The following TNKS2 variants were observed in gnomAD, a reference collection of about 807,000 sequenced individuals.
TNKS2 encodes the protein poly [ADP-ribose] polymerase tankyrase-2.
Under a neutral mutation model 137.6 loss-of-function variants are expected in TNKS2, and 72 were observed. The observed-to-expected ratio is 0.52, with a 90% CI of 0.43 to 0.64. The LOEUF (loss-of-function observed/expected upper bound fraction) is 0.64. Among genes scored for constraint, TNKS2 ranks in the 30% least tolerant of loss-of-function variants. TNKS2 has a pLI of 0.00. For synonymous variants in TNKS2, 516 were observed against 512.1 expected, an observed-to-expected ratio of 1.01 and a Z score of -0.10; for missense variants, 1,049 against 1,410.2, an observed-to-expected ratio of 0.74 and a Z score of 4.10.
At chr10:91,807,391 G>T in intron 1 of TNKS2, 1 of 1,614,120 alleles carries the variant, frequency 6.2e-7, no homozygotes, top group Non-Finnish European at 8.5e-7. Flanking sequence ...GCGAGGTAAA[G>T]CTTCTCGGCA....
chr10:91,807,462 A>T (rs1844361384), intron 1 of TNKS2: 1 of 1,605,436 alleles, frequency 6.2e-7, no homozygotes, highest in African/African-American at 1.3e-5. Context: ...TGGAAAAGTA[A>T]AGAGAAGCAA....
chr10:91,819,879 C>A, intron 5 of TNKS2, 60 bp from the exon 6 acceptor site: 1 of 1,344,746 alleles, frequency 7.4e-7, no homozygotes, highest in Non-Finnish European at 1.0e-6. Context: ...TTTTTTCCCT[C>A]TCACACATTT....
At chr10:91,818,869 G>T (rs979774694) in intron 3 of TNKS2, among the ~76,000 whole-genome samples, 7 of 151,996 alleles carry the variant, frequency 4.6e-5, no homozygotes, top group Non-Finnish European at 8.8e-5. Context: ...GATACATTTT[G>T]TTTCTCTGTT....
intron 11 of TNKS2, among the ~76,000 whole-genome samples, chr10:91,831,458 T>C (rs1845243014): frequency 6.6e-6 from 1 of 152,196 alleles, no homozygotes; most frequent in African/African-American, 2.4e-5. Context: ...AGGACTTTTC[T>C]GACCTATCAT....
intron 1 of TNKS2, among the ~76,000 whole-genome samples, chr10:91,809,526 C>T (rs1416324383): frequency 2.0e-5 from 3 of 151,822 alleles, no homozygotes; most frequent in Admixed American, 6.6e-5. Context: ...ATTAGCTGGG[C>T]GTGGTGGCGG....
intron 1 of TNKS2, chr10:91,807,405 C>T (rs928051821): frequency 8.1e-6 from 13 of 1,613,950 alleles, no homozygotes; most frequent in African/African-American, 4.0e-5. Context: ...CTCGGCAGCG[C>T]GGCTGAACTC....
intron 1 of TNKS2, among the ~76,000 whole-genome samples, chr10:91,812,114 C>G (rs956293509): frequency 6.6e-6 from 1 of 151,814 alleles, no homozygotes. Context: ...TGAGCAGTTC[C>G]TTTCTCTCTA....
Position 91,848,654 on chromosome 10 carries a change from A to G in TNKS2, c.2611+19A>G, listed in dbSNP as rs933186131. On this transcript the variant is annotated intron_variant, in intron 19 of 26. Coordinates refer to ENST00000371627, the MANE Select transcript of TNKS2 (RefSeq NM_025235.4). ...AAGGAGGGTGAGACGTTCTACAAAA[A>G]TAACTTTCTAACTGGTATTGTAGCC... 3.1e-6 allele frequency: 5 copies of G among 1,612,486 alleles called. No individual in the cohort carries two copies. Among genetic ancestry groups the G allele is most frequent in the East Asian group, 2.2e-5 (1 of 44,878 alleles).
intron 9 of TNKS2, among the ~76,000 whole-genome samples, 166 bp downstream of exon 9, chr10:91,828,572 A>G (rs1048021862): frequency 2.6e-5 from 4 of 152,198 alleles, no homozygotes; most frequent in Admixed American, 1.3e-4. Context: ...AAAATAGACA[A>G]CCTCACCCTG....
Position 91,845,934 on chromosome 10 carries a change from A to C in TNKS2, c.2352A>C (p.Leu784Phe), listed in dbSNP as rs1842357663. The C allele has an allele frequency of 6.5e-7, 1 of 1,534,014 alleles. No individual in the cohort carries two copies. Among genetic ancestry groups the C allele is most frequent in the African/African-American group, 1.4e-5 (1 of 73,506 alleles). Residue 784 changes from leucine to phenylalanine, a missense_variant, in exon 18 of 27, where the codon TTA becomes TTC. This residue lies in a region of TNKS2 where 208 missense variants were observed against 231.2 expected (regional missense o/e 0.90). Coordinates refer to ENST00000371627, the MANE Select transcript of TNKS2 (RefSeq NM_025235.4). ...AGGAAGGACAAACACCTTTAGATTT[A>C]GTTTCAGTAAGTGATGGGCTTTTTG... Reference protein sequence around the residue: ...KNQEGQTPLDLVSADDVSALL... With the variant: ...KNQEGQTPLDFVSADDVSALL...
chr10:91,863,107 G>A lies in TNKS2; in HGVS notation c.*108G>A, dbSNP rs1842894934. ...AAAAAATCATCTTGCCCACAGGCCT[G>A]TGGCAAAAGGATAAAAATGTGAACG... On this transcript the variant is annotated 3_prime_UTR_variant, in exon 27 of 27. Transcript: ENST00000371627. 1.4e-6 allele frequency: 1 copy of A among 690,854 alleles called. No homozygotes were observed. Among genetic ancestry groups the A allele is most frequent in the African/African-American group, 1.8e-5 (1 of 54,764 alleles). The allele number at this position is 690,854 out of a possible 1,614,324, so 42.8% of individuals were successfully genotyped here. A position where few individuals can be genotyped will look rare whatever the true frequency, so the allele number is the denominator to read the frequency against.
intron 1 of TNKS2, among the ~76,000 whole-genome samples, chr10:91,811,020 C>T (rs144751440): frequency 1.2e-4 from 18 of 144,582 alleles, no homozygotes; most frequent in Non-Finnish European, 2.5e-4. Context: ...CTATACCTGC[C>T]GGGTTCAAGC....
rs1842022589 is a variant in TNKS2, at chr10:91,836,520, G to A, written c.1448-399G>A. 9.4e-6 allele frequency: 5 copies of A among 532,724 alleles called. No homozygotes were observed. In the Admixed American group the frequency reaches 3.2e-4, roughly 34 times the overall value. 33.0% of individuals were successfully genotyped at this position (532,724 alleles called of 1,614,324 possible). On this transcript the variant is annotated intron_variant, in intron 12 of 26. Transcript: ENST00000371627. ...AAAATCTGAGAACCAGGAAGTTCCA[G>A]TGACTTGTTCCAGTTCAGATAGCTA...
rs745553929 is a variant in TNKS2, at chr10:91,855,080, T to C, written c.2867T>C (p.Ile956Thr). Residue 956 changes from isoleucine (I) to threonine (T), a missense_variant, in exon 22 of 27, where the codon ATA becomes ACA. Ile to Thr is a moderately conservative substitution (Grantham distance 89). Around this residue, in one of 6 missense-constraint regions of TNKS2, gnomAD observed 208 missense variants for 231.2 expected, o/e 0.90. Coordinates refer to ENST00000371627, the MANE Select transcript of TNKS2 (RefSeq NM_025235.4). ...LNTSGSGTIL[I>T]DLSPDDKEFQ... ...ACCTCTGGTAGTGGAACAATTCTTATAGATCTGTCTCCTGATGATAAAGAG... is the reference window on the plus strand; with the variant it reads ...ACCTCTGGTAGTGGAACAATTCTTACAGATCTGTCTCCTGATGATAAAGAG... The C allele has an allele frequency of 5.0e-6, 8 of 1,612,176 alleles. No homozygotes were observed. The highest frequency in any genetic ancestry group is 1.3e-5 in the African/African-American group (1 of 74,894).
chr10:91,806,169 A>G (rs185370194), intron 1 of TNKS2, among the ~76,000 whole-genome samples: 1 of 152,216 alleles, frequency 6.6e-6, no homozygotes, highest in East Asian at 1.9e-4. Flanking sequence ...ACAAATTTAT[A>G]CAAAACATAT....
intron 12 of TNKS2, among the ~76,000 whole-genome samples, chr10:91,836,032 T>TG (rs1491051227): frequency 1.4e-4 from 9 of 64,028 alleles, no homozygotes; most frequent in East Asian, 5.4e-4. Flanking sequence ...TGTGTGTGTG[T>TG]AATTTTTTTT....
intron 1 of TNKS2, among the ~76,000 whole-genome samples, chr10:91,811,335 T>G (rs893265151): frequency 6.6e-6 from 1 of 151,940 alleles, no homozygotes; most frequent in African/African-American, 2.4e-5. Context: ...CTCCTCATTT[T>G]CCTAATCATC....
At chr10:91,857,595 A>G in intron 24 of TNKS2, 65 bp downstream of exon 24, 1 of 1,032,538 alleles carries the variant, frequency 9.7e-7, no homozygotes, top group East Asian at 2.4e-5. Context: ...TTGTTCAGAT[A>G]TGAAATAATA....
At chr10:91,842,120 A>G in intron 15 of TNKS2, 52 bp from the exon 16 acceptor site, 9 of 1,320,352 alleles carry the variant, frequency 6.8e-6, no homozygotes, top group Non-Finnish European at 9.6e-6. Context: ...CTCATTGACC[A>G]AAGGCACATT....
Sources: allele counts gnomAD v4.1 joint callset (sites outside exome capture counted in the v4.1 genomes callset), GRCh38; gene constraint gnomAD v4.1.1; regional missense constraint gnomAD v4.1.1; transcripts MANE v1.5; gene names NCBI Gene and HGNC (gene_info 2026-07-23, HGNC 2026-07-21).